EML4: variants seen among roughly 807,000 people sequenced by gnomAD.
EML4 encodes EMAP like 4, also known as echinoderm microtubule-associated protein-like 4.
Under a neutral mutation model 129.0 loss-of-function variants are expected in EML4, and 72 were observed. The ratio of observed to expected loss-of-function variants is 0.56; its 90% confidence interval spans 0.46 to 0.68. EML4 has a LOEUF of 0.68. Among genes scored for constraint, EML4 ranks in the 30% least tolerant of loss-of-function variants. The pLI is 0.00. For synonymous variants in EML4, 532 were observed against 405.0 expected (o/e 1.31, Z -3.77); for missense variants, 1,363 against 1,190.6 (o/e 1.14, Z -2.13).
chr2:42,200,037 C>T (rs949198764), intron 1 of EML4, among the ~76,000 whole-genome samples: 9 of 151,290 alleles, frequency 5.9e-5, no homozygotes, highest in South Asian at 2.1e-4. Flanking sequence ...CGGCCAGGCG[C>T]GGTGGCTGAC....
chr2:42,224,693 C>T (rs1015676942), intron 1 of EML4, among the ~76,000 whole-genome samples: 1 of 152,050 alleles, frequency 6.6e-6, no homozygotes, highest in African/African-American at 2.4e-5. Flanking sequence ...TCAATTTCCC[C>T]TTATCCTCAC....
rs557066959 is a variant in EML4 at position 42,331,923 on chromosome 2, G to C, written c.*1716G>C. ...TAGGTATCTGTATATCTTTCCTTTT[G>C]TTTACAACTGTTAAAAAACCTCAAA... On this transcript the variant is annotated 3_prime_UTR_variant, in exon 23 of 23. Coordinates refer to ENST00000318522, the MANE Select transcript of EML4 (RefSeq NM_019063.5). 14 of 216,982 alleles carry C rather than the reference G, an allele frequency of 6.5e-5. No individual in the cohort carries two copies. In the South Asian group the frequency reaches 2.4e-3, roughly 37 times the overall value. The allele number at this position is 216,982 out of a possible 1,614,324, so 13.4% of individuals were successfully genotyped here. A position where few individuals can be genotyped will look rare whatever the true frequency, so the allele number is the denominator to read the frequency against.
chr2:42,251,899 G>A (rs990343064), intron 2 of EML4, among the ~76,000 whole-genome samples: 4 of 152,134 alleles, frequency 2.6e-5, no homozygotes, highest in African/African-American at 9.7e-5. Context: ...GCTCCCACTA[G>A]GTGATACACT....
chr2:42,203,755 A>T (rs545764658), intron 1 of EML4, among the ~76,000 whole-genome samples: 1 of 151,388 alleles, frequency 6.6e-6, no homozygotes, highest in Non-Finnish European at 1.5e-5. Flanking sequence ...ATATACTTCT[A>T]TGCCACATGT....
In EML4 at chr2:42,169,545, ACT is replaced by A; in HGVS notation, c.-64_-63del. 6.4e-7 allele frequency: 1 copy of A among 1,559,502 alleles called. No individual in the cohort carries two copies. The highest frequency in any genetic ancestry group is 8.7e-7 in the Non-Finnish European group (1 of 1,155,782). On this transcript the variant is annotated 5_prime_UTR_variant, in exon 1 of 23. Coordinates refer to ENST00000318522, the MANE Select transcript of EML4 (RefSeq NM_019063.5). ...GAGCGGGTCAGGCTCAGCGTCGGCC[ACT>A]CTGTCGGTCCGCTGAATGAAGTGCC...
At chr2:42,276,758 G>T (rs912503142) in intron 6 of EML4, among the ~76,000 whole-genome samples, 2 of 152,152 alleles carry the variant, frequency 1.3e-5, no homozygotes, top group Non-Finnish European at 2.9e-5. Context: ...TTAACAAAGC[G>T]TGAAGCTAAG....
At chr2:42,301,167 G>T (rs1668265286) in intron 13 of EML4, 74 bp from the exon 14 acceptor site, 1 of 1,346,766 alleles carries the variant, frequency 7.4e-7, no homozygotes, top group South Asian at 1.3e-5. Flanking sequence ...TTCTACTGAA[G>T]TTTTCTTCCA....
intron 19 of EML4, among the ~76,000 whole-genome samples, chr2:42,323,376 T>C (rs1669620890): frequency 6.6e-6 from 1 of 152,312 alleles, no homozygotes; most frequent in South Asian, 2.1e-4. Context: ...AGGTCCCCTG[T>C]ATGCCTAGCA....
intron 13 of EML4, among the ~76,000 whole-genome samples, chr2:42,300,444 C>G (rs1668218665): frequency 6.6e-6 from 1 of 152,186 alleles, no homozygotes; most frequent in Non-Finnish European, 1.5e-5. Context: ...TTATGTACCC[C>G]CTTGGTCTCT....
At chr2:42,243,051 T>C (rs1311929946) in intron 1 of EML4, among the ~76,000 whole-genome samples, 5 of 152,194 alleles carry the variant, frequency 3.3e-5, no homozygotes, top group Non-Finnish European at 5.9e-5. Flanking sequence ...GTGCTAGGAT[T>C]ACAGTCGTGA....
At chr2:42,205,123 T>C (rs1672468517) in intron 1 of EML4, among the ~76,000 whole-genome samples, 1 of 152,184 alleles carries the variant, frequency 6.6e-6, no homozygotes, top group African/African-American at 2.4e-5. Context: ...TTATTGGAAA[T>C]AAAATGAAGG....
intron 1 of EML4, among the ~76,000 whole-genome samples, chr2:42,239,341 AC>A (rs1314546580): frequency 6.6e-6 from 1 of 152,222 alleles, no homozygotes; most frequent in Admixed American, 6.5e-5. Flanking sequence ...CAATATACTT[AC>A]CTTTGCAAAG....
intron 1 of EML4, among the ~76,000 whole-genome samples, chr2:42,242,072 T>G (rs1675074316): frequency 6.6e-6 from 1 of 152,174 alleles, no homozygotes; most frequent in Non-Finnish European, 1.5e-5. Context: ...CCTTAGTCAT[T>G]TTTTAAAAAA....
chr2:42,252,226 G>T (rs1217818527), intron 2 of EML4, among the ~76,000 whole-genome samples: 1 of 152,146 alleles, frequency 6.6e-6, no homozygotes, highest in Non-Finnish European at 1.5e-5. Flanking sequence ...GAACTGTCAG[G>T]CTAAGATGTC....
chr2:42,256,610 T>C lies in EML4; in HGVS notation c.318T>C (p.Thr106=). 2.5e-6 allele frequency: 4 copies of C among 1,613,724 alleles called. No homozygotes were observed. Residue 106 remains threonine (T), a synonymous_variant, in exon 3 of 23, where the codon ACT becomes ACC. Transcript: ENST00000318522. ...TSAVSIAGKE[T]LSSAAKSGTE... ...CTGTCTCAATTGCAGGAAAAGAAACTCTTTCATCTGCTGCTAAAAGGTACC... is the reference window on the plus strand; with the variant it reads ...CTGTCTCAATTGCAGGAAAAGAAACCCTTTCATCTGCTGCTAAAAGGTACC...
chr2:42,235,543 C>T (rs1451250111), intron 1 of EML4, among the ~76,000 whole-genome samples: 1 of 152,154 alleles, frequency 6.6e-6, no homozygotes, highest in Non-Finnish European at 1.5e-5. Context: ...ACGTTAGCTT[C>T]TCTAATCTAA....
chr2:42,279,776 C>CT (rs57713237), intron 6 of EML4, among the ~76,000 whole-genome samples: 4 of 150,724 alleles, frequency 2.7e-5, no homozygotes, highest in South Asian at 2.1e-4. Context: ...GCCCGGCTGT[C>CT]TTTTTTTATT....
At position 42,245,753 on chromosome 2, in the gene EML4, G is replaced by A; in HGVS notation, c.208+66G>A. ...AATATTTTCTTTGAAAGTTGAAGCT[G>A]GAAATATAAAACTAGTTTCTTATGT... On this transcript the variant is annotated intron_variant, in intron 2 of 22. Transcript: ENST00000318522. The A allele has an allele frequency of 2.8e-6, 4 of 1,435,656 alleles. No individual in the cohort carries two copies. The South Asian group carries it at 5.9e-5, about 21-fold the overall frequency. 88.9% of individuals were successfully genotyped at this position (1,435,656 alleles called of 1,614,324 possible).
chr2:42,332,071 G>A lies in EML4; in HGVS notation c.*1864G>A, dbSNP rs767833340. ...GCATATATATCTGTCTGTTAGCAAT[G>A]ATTATTACATCATCAGATCAGCATG... is the stretch of plus-strand genomic sequence containing the variant. On this transcript the variant is annotated 3_prime_UTR_variant, in exon 23 of 23. Coordinates refer to ENST00000318522, the MANE Select transcript of EML4 (RefSeq NM_019063.5). 12 of 221,992 alleles carry A rather than the reference G, an allele frequency of 5.4e-5. No homozygotes were observed. Among genetic ancestry groups the A allele is most frequent in the Non-Finnish European group, 7.2e-5 (8 of 110,870 alleles). The allele number at this position is 221,992 out of a possible 1,614,324, so 13.8% of individuals were successfully genotyped here.
Sources: gnomAD v4.1 joint callset for allele counts (sites outside exome capture counted in the v4.1 genomes callset) on GRCh38, gnomAD v4.1.1 for gene constraint, MANE v1.5 for transcripts, NCBI Gene and HGNC (gene_info 2026-07-23, HGNC 2026-07-21) for gene names.